The following NRG1 variants were observed in gnomAD, a reference collection of about 807,000 sequenced individuals.
The protein encoded by NRG1 is neuregulin 1.
Under a neutral mutation model 63.8 loss-of-function variants are expected in NRG1, and 18 were observed. The observed-to-expected ratio is 0.28, with a 90% CI of 0.19 to 0.42. The LOEUF (loss-of-function observed/expected upper bound fraction) is 0.42. NRG1 is among the 10% of genes least tolerant of loss of function. The pLI is 1.00. For missense variants in NRG1, 762 were observed against 814.7 expected, an observed-to-expected ratio of 0.94 and a Z score of 0.79; for synonymous variants, 302 against 301.3, an observed-to-expected ratio of 1.00 and a Z score of -0.02.
chr8:32,595,217 T>C (rs1243632205), intron 1 of NRG1, among the ~76,000 whole-genome samples: 1 of 152,076 alleles, frequency 6.6e-6, no homozygotes, highest in African/African-American at 2.4e-5. Context: ...TGAAACAGAA[T>C]CTCACTCTGT....
rs186095440 is a variant in NRG1 at position 32,260,600 on chromosome 8, T to C, written c.38-335228T>C. 7.9e-4 allele frequency among the ~76,000 whole-genome samples: 121 copies of C among 152,358 alleles called. 4 individuals are homozygous for C. Among genetic ancestry groups the C allele is most frequent in the African/African-American group, 2.8e-3 (117 of 41,596 alleles). On this transcript the variant is annotated intron_variant, in intron 1 of 10. Coordinates refer to the NRG1 transcript ENST00000519301. Reference sequence around the variant, plus strand: ...TTGCATTGGCATTAAGCACCTACTTTATTTATTTCCTTTCTCAACAACTCT... The same window carrying C: ...TTGCATTGGCATTAAGCACCTACTTCATTTATTTCCTTTCTCAACAACTCT...
chr8:31,763,005 G>A (rs1207456403), intron 1 of NRG1, among the ~76,000 whole-genome samples: 2 of 152,072 alleles, frequency 1.3e-5, no homozygotes, highest in African/African-American at 4.8e-5. Context: ...GGAATGCAAG[G>A]TTAGTTTCAT....
intron 7 of NRG1, among the ~76,000 whole-genome samples, chr8:32,748,339 G>GTGCGCACA: frequency 1.6e-5 from 2 of 128,412 alleles, no homozygotes; most frequent in African/African-American, 5.6e-5. Flanking sequence ...GCGCGCGCGC[G>GTGCGCACA]CACACACACA....
At chr8:32,211,628 C>A (rs1021289558) in intron 1 of NRG1, among the ~76,000 whole-genome samples, 6 of 152,162 alleles carry the variant, frequency 3.9e-5, no homozygotes, top group African/African-American at 1.4e-4. Context: ...CTTTGTTATG[C>A]ATTTCTGTGA....
intron 6 of NRG1, among the ~76,000 whole-genome samples, chr8:32,741,367 G>A (rs1027709038): frequency 6.6e-6 from 1 of 152,096 alleles, no homozygotes; most frequent in Non-Finnish European, 1.5e-5. Context: ...TTTGATTTGG[G>A]ATAATGCAAT....
At chr8:31,706,638 T>C (rs910567197) in intron 1 of NRG1, among the ~76,000 whole-genome samples, 1 of 152,228 alleles carries the variant, frequency 6.6e-6, no homozygotes, top group Non-Finnish European at 1.5e-5. Flanking sequence ...GTATAGGGAT[T>C]GTGCTTAGTT....
At chr8:31,669,490 T>A (rs1806893512) in intron 1 of NRG1, among the ~76,000 whole-genome samples, 1 of 152,142 alleles carries the variant, frequency 6.6e-6, no homozygotes, top group African/African-American at 2.4e-5. Context: ...CCTTCCACCT[T>A]GGTCTCCCAA....
At chr8:32,017,695 A>G (rs1815773182) in intron 1 of NRG1, among the ~76,000 whole-genome samples, 1 of 152,224 alleles carries the variant, frequency 6.6e-6, no homozygotes, top group African/African-American at 2.4e-5. Context: ...GTTGTAAAGG[A>G]TATTACAGAG....
chr8:31,809,179 A>T (rs1212079479), intron 1 of NRG1, among the ~76,000 whole-genome samples: 1 of 151,524 alleles, frequency 6.6e-6, no homozygotes. Context: ...CTTCTCTGAG[A>T]TATTTTGGAA....
intron 1 of NRG1, among the ~76,000 whole-genome samples, chr8:31,758,117 T>G (rs1476590732): frequency 6.6e-6 from 1 of 152,124 alleles, no homozygotes; most frequent in South Asian, 2.1e-4. Context: ...CGTGCAGGTT[T>G]GTTACATAGG....
exon 12 of NRG1, chr8:32,764,637 C>A: frequency 2.8e-6 from 1 of 361,442 alleles, no homozygotes; most frequent in Admixed American, 4.3e-5. Context: ...TATGTTATGT[C>A]GAGAGCAAGT....
intron 1 of NRG1, among the ~76,000 whole-genome samples, chr8:31,976,942 T>C (rs1808292537): frequency 6.6e-6 from 1 of 152,192 alleles, no homozygotes; most frequent in South Asian, 2.1e-4. Flanking sequence ...AGAGACATAT[T>C]ATTACTTATG....
At chr8:32,028,562 G>A (rs1374065829) in intron 1 of NRG1, among the ~76,000 whole-genome samples, 1 of 151,956 alleles carries the variant, frequency 6.6e-6, no homozygotes, top group Non-Finnish European at 1.5e-5. Flanking sequence ...ATTTCATTTG[G>A]AATTAACATT....
At chr8:32,259,540 A>G (rs1476321172) in intron 1 of NRG1, among the ~76,000 whole-genome samples, 1 of 152,120 alleles carries the variant, frequency 6.6e-6, no homozygotes, top group Non-Finnish European at 1.5e-5. Context: ...TCTCTTCTTT[A>G]TAAATTGCCC....
At chr8:31,711,541 T>C (rs1563317396) in intron 1 of NRG1, among the ~76,000 whole-genome samples, 1 of 152,224 alleles carries the variant, frequency 6.6e-6, no homozygotes, top group Non-Finnish European at 1.5e-5. Flanking sequence ...GGGTTAGTTT[T>C]TCCTTGCCTC....
intron 6 of NRG1, among the ~76,000 whole-genome samples, chr8:32,741,417 C>A (rs912182338): frequency 6.6e-6 from 1 of 152,014 alleles, no homozygotes; most frequent in Admixed American, 6.6e-5. Flanking sequence ...CTTCTAGTAT[C>A]TTTGAACATT....
intron 8 of NRG1, 120 bp downstream of exon 8, chr8:32,754,594 CA>C (rs1829338640): frequency 3.5e-6 from 3 of 849,076 alleles, no homozygotes; most frequent in East Asian, 5.3e-5. Flanking sequence ...AAAGGAGGGG[CA>C]GGGGGAGATT....
At chr8:31,744,151 A>G (rs62506958) in intron 1 of NRG1, among the ~76,000 whole-genome samples, 30,331 of 151,820 alleles carry the variant, frequency 0.2, 4,181 homozygotes, top group East Asian at 0.65. Context: ...GCATGATGGT[A>G]TTCTGAGCCT....
intron 1 of NRG1, among the ~76,000 whole-genome samples, chr8:32,217,905 C>T (rs1274863089): frequency 1.3e-5 from 2 of 152,130 alleles, no homozygotes; most frequent in Non-Finnish European, 2.9e-5. Flanking sequence ...CCCTGCCCTT[C>T]CAGCTCCCTG....
Sources: allele counts gnomAD v4.1 joint callset (sites outside exome capture counted in the v4.1 genomes callset), GRCh38; gene constraint gnomAD v4.1.1; transcripts MANE v1.5; gene names NCBI Gene and HGNC (gene_info 2026-07-23, HGNC 2026-07-21).